Variants in LSAMP observed in about 807,000 individuals in gnomAD.
LSAMP encodes limbic system-associated membrane protein.
Under a neutral mutation model 38.6 loss-of-function variants are expected in LSAMP, and 7 were observed. The ratio of observed to expected loss-of-function variants is 0.18; its 90% CI spans 0.10 to 0.34. The LOEUF (loss-of-function observed/expected upper bound fraction) is 0.34, where lower values mean the gene tolerates loss of function less well. LSAMP is among the 10% of genes least tolerant of loss of function. The pLI, the probability that LSAMP is intolerant of heterozygous loss-of-function variation, is 1.00. For synonymous variants in LSAMP, 154 were observed against 166.8 expected, an observed-to-expected ratio of 0.92 and a Z score of 0.59; for missense variants, 313 against 420.0, an observed-to-expected ratio of 0.75 and a Z score of 2.23.
At chr3:116,116,079 C>T (rs1708737643) in intron 1 of LSAMP, among the ~76,000 whole-genome samples, 1 of 147,760 alleles carries the variant, frequency 6.8e-6, no homozygotes, top group African/African-American at 2.5e-5. Flanking sequence ...ACCTCCTGGA[C>T]TGGTCCTATA....
intron 1 of LSAMP, among the ~76,000 whole-genome samples, chr3:116,188,935 CATCAGTATT>C (rs1243362583): frequency 6.6e-6 from 1 of 152,172 alleles, no homozygotes; most frequent in Non-Finnish European, 1.5e-5. Context: ...GTCTTCATCT[CATCAGTATT>C]GATCAGTCAT....
At chr3:116,075,268 C>T (rs1484058352) in intron 2 of LSAMP, among the ~76,000 whole-genome samples, 2 of 151,444 alleles carry the variant, frequency 1.3e-5, no homozygotes, top group Non-Finnish European at 2.9e-5. Flanking sequence ...TCCCAAGTAG[C>T]TGGGACTACA....
intron 1 of LSAMP, among the ~76,000 whole-genome samples, chr3:116,342,013 A>T (rs1051618073): frequency 1.2e-4 from 19 of 152,040 alleles, no homozygotes; most frequent in Non-Finnish European, 2.4e-4. Context: ...ATATAAATGT[A>T]AAATAACAGT....
intron 1 of LSAMP, among the ~76,000 whole-genome samples, chr3:116,314,712 T>C (rs1038280642): frequency 7.9e-5 from 12 of 152,200 alleles, no homozygotes; most frequent in African/African-American, 2.9e-4. Context: ...TTGAGGTTGC[T>C]GTACTGCGTG....
intron 1 of LSAMP, among the ~76,000 whole-genome samples, chr3:116,299,571 C>T (rs1406675441): frequency 2.0e-5 from 3 of 152,244 alleles, no homozygotes; most frequent in Admixed American, 6.5e-5. Flanking sequence ...CTTTATTCTA[C>T]GTACAGAAGT....
intron 1 of LSAMP, among the ~76,000 whole-genome samples, chr3:116,175,230 TTTTC>T (rs1710308433): frequency 6.6e-6 from 1 of 152,122 alleles, no homozygotes; most frequent in Admixed American, 6.6e-5. Flanking sequence ...GCTTTCTTCT[TTTTC>T]TTTCTTTGGG....
chr3:116,349,886 A>C (rs1481780737), intron 1 of LSAMP, among the ~76,000 whole-genome samples: 1 of 152,008 alleles, frequency 6.6e-6, no homozygotes, highest in Non-Finnish European at 1.5e-5. Flanking sequence ...GAGGTGAAGT[A>C]TATTTACATG....
intron 1 of LSAMP, among the ~76,000 whole-genome samples, chr3:116,192,441 T>C (rs1196175312): frequency 6.6e-6 from 1 of 152,204 alleles, no homozygotes; most frequent in South Asian, 2.1e-4. Flanking sequence ...TCCATTACTC[T>C]CTCAATTTCT....
At chr3:116,419,807 C>T (rs2049098494) in intron 1 of LSAMP, among the ~76,000 whole-genome samples, 1 of 152,136 alleles carries the variant, frequency 6.6e-6, no homozygotes, top group Admixed American at 6.5e-5. Context: ...TCTGAGTATT[C>T]ATCTACTTGT....
chr3:116,437,697 G>A lies in LSAMP; in HGVS notation c.155+7180C>T, dbSNP rs552234978. Among the ~76,000 whole-genome samples the A allele has an allele frequency of 9.9e-5, 15 of 151,182 alleles. No homozygotes were observed. In the South Asian group the frequency reaches 2.7e-3, roughly 27 times the overall value. On this transcript the variant is annotated intron_variant, in intron 1 of 6. Transcript: ENST00000490035. ...GAAGGGGAGAGGAGAGAAAAGGAGA[G>A]GAAGGAAGAGGAGAGAAAGACAATT... is the stretch of plus-strand genomic sequence containing the variant.
At chr3:116,187,115 C>T (rs891684564) in intron 1 of LSAMP, among the ~76,000 whole-genome samples, 4 of 152,172 alleles carry the variant, frequency 2.6e-5, no homozygotes, top group African/African-American at 9.7e-5. Context: ...CTTTATCCTT[C>T]AGCTCTATGT....
chr3:115,870,129 T>C (rs141664005), intron 3 of LSAMP, among the ~76,000 whole-genome samples: 2,779 of 152,288 alleles, frequency 0.018, 38 homozygotes, highest in Non-Finnish European at 0.03. Flanking sequence ...TGCCTATGCA[T>C]TTTTATATTG....
At chr3:115,828,078 T>G (rs1487915103) in intron 6 of LSAMP, among the ~76,000 whole-genome samples, 1 of 152,198 alleles carries the variant, frequency 6.6e-6, no homozygotes, top group African/African-American at 2.4e-5. Context: ...GGATAAGGGC[T>G]TGGTGGTGCT....
intron 1 of LSAMP, among the ~76,000 whole-genome samples, chr3:116,319,613 A>T (rs1218440757): frequency 2.6e-5 from 4 of 152,194 alleles, no homozygotes; most frequent in African/African-American, 9.6e-5. Context: ...GAGTGTGTAC[A>T]TGAGAAAGAA....
At chr3:115,834,285 A>T (rs1402616329) in intron 6 of LSAMP, among the ~76,000 whole-genome samples, 1 of 152,104 alleles carries the variant, frequency 6.6e-6, no homozygotes, top group Non-Finnish European at 1.5e-5. Context: ...CTTGTAATAA[A>T]TATTGACTGT....
chr3:116,394,425 A>G (rs1239900391), intron 1 of LSAMP, among the ~76,000 whole-genome samples: 5 of 152,210 alleles, frequency 3.3e-5, no homozygotes, highest in Non-Finnish European at 7.3e-5. Flanking sequence ...ACCGAGGCCA[A>G]TGAAGAATTC....
At chr3:116,306,786 CA>C (rs1240320890) in intron 1 of LSAMP, among the ~76,000 whole-genome samples, 5 of 151,970 alleles carry the variant, frequency 3.3e-5, no homozygotes, top group Admixed American at 6.6e-5. Context: ...TGAGTGAAAA[CA>C]GGTTTTATGT....
chr3:115,810,378 C>T lies in LSAMP; in HGVS notation c.956G>A (p.Ser319Asn). The change falls in exon 7 of 7, where the codon AGT becomes AAT. Residue 319 changes from serine to asparagine, a missense_variant. By Grantham distance (46) the Ser-to-Asn change is conservative. Transcript: ENST00000490035. ...GSVRGINGSI[S>N]LAVPLWLLAA... ...CAGCAGCCACAGTGGTACGGCCAGA[C>T]TGATGGATCCATTTATTCCTCTCAC... is the stretch of plus-strand genomic sequence containing the variant. 1.2e-6 allele frequency: 2 copies of T among 1,613,754 alleles called. No homozygotes were observed. Among genetic ancestry groups the T allele is most frequent in the Non-Finnish European group, 1.7e-6 (2 of 1,179,766 alleles).
intron 1 of LSAMP, among the ~76,000 whole-genome samples, chr3:116,100,123 T>A (rs902521958): frequency 1.3e-4 from 19 of 150,794 alleles, no homozygotes; most frequent in Admixed American, 9.2e-4. Context: ...ACTCTGTTGC[T>A]CAGGCTGGCT....
Sources: gnomAD v4.1 joint callset for allele counts (sites outside exome capture counted in the v4.1 genomes callset) on GRCh38, gnomAD v4.1.1 for gene constraint, MANE v1.5 for transcripts, NCBI Gene and HGNC (gene_info 2026-07-23, HGNC 2026-07-21) for gene names.